CADPS2: variants seen among roughly 807,000 people sequenced by gnomAD.
CADPS2 encodes the protein calcium dependent secretion activator 2, also known as calcium-dependent secretion activator 2.
A neutral mutation model predicts 172.5 loss-of-function variants in CADPS2; 93 were observed. The observed-to-expected ratio is 0.54, with a 90% CI of 0.46 to 0.64. CADPS2 has a LOEUF of 0.64. Ranked by LOEUF, CADPS2 falls within the 30% of genes least tolerant of loss-of-function variation. The probability of loss-of-function intolerance (pLI) is 0.00; values close to 1 mark genes in which losing one functional copy is unlikely to be tolerated. For missense variants in CADPS2, 1,420 were observed against 1,565.9 expected (o/e 0.91, Z 1.57); for synonymous variants, 546 against 555.2 (o/e 0.98, Z 0.23).
chr7:122,746,642 G>GACACACAC (rs758081487), intron 1 of CADPS2, among the ~76,000 whole-genome samples: 1 of 142,436 alleles, frequency 7.0e-6, no homozygotes, highest in Non-Finnish European at 1.5e-5. Flanking sequence ...CACACACACA[G>GACACACAC]ACACACACAC....
chr7:122,800,336 T>C (rs545917966), intron 1 of CADPS2, among the ~76,000 whole-genome samples: 6 of 152,156 alleles, frequency 3.9e-5, no homozygotes, highest in African/African-American at 1.4e-4. Flanking sequence ...ACACGACAAC[T>C]TGCCAAAATA....
chr7:122,522,123 A>G, intron 8 of CADPS2, among the ~76,000 whole-genome samples: 1 of 151,728 alleles, frequency 6.6e-6, no homozygotes, highest in Non-Finnish European at 1.5e-5. Context: ...ATTTTATTTT[A>G]TTTATTTTTG....
At chr7:122,533,742 C>T (rs1483255929) in intron 8 of CADPS2, among the ~76,000 whole-genome samples, 3 of 152,078 alleles carry the variant, frequency 2.0e-5, no homozygotes, top group East Asian at 1.9e-4. Flanking sequence ...GATAATTAAA[C>T]GATTCTCAAT....
intron 29 of CADPS2, among the ~76,000 whole-genome samples, chr7:122,324,091 T>C (rs1399643320): frequency 6.6e-6 from 1 of 151,944 alleles, no homozygotes; most frequent in Non-Finnish European, 1.5e-5. Flanking sequence ...TAAGAAGTGT[T>C]CTGGATCAAA....
intron 6 of CADPS2, among the ~76,000 whole-genome samples, chr7:122,613,760 T>C (rs1187001545): frequency 6.6e-6 from 1 of 151,900 alleles, no homozygotes; most frequent in Non-Finnish European, 1.5e-5. Flanking sequence ...TACTAATATA[T>C]TACCCCCAAA....
At chr7:122,391,580 C>T (rs182304444) in intron 22 of CADPS2, among the ~76,000 whole-genome samples, 16 of 152,176 alleles carry the variant, frequency 1.1e-4, no homozygotes, top group Admixed American at 3.9e-4. Context: ...TTTCTGAGCA[C>T]ACACAGACAC....
intron 5 of CADPS2, among the ~76,000 whole-genome samples, chr7:122,618,474 C>T (rs1284569334): frequency 6.6e-6 from 1 of 151,566 alleles, no homozygotes; most frequent in Admixed American, 6.6e-5. Flanking sequence ...ACAGCAAAAA[C>T]TGAACTTGGT....
At chr7:122,553,905 T>C (rs2064659747) in intron 8 of CADPS2, among the ~76,000 whole-genome samples, 1 of 152,130 alleles carries the variant, frequency 6.6e-6, no homozygotes, top group African/African-American at 2.4e-5. Flanking sequence ...TCCTGGATTT[T>C]TGGCAATTCA....
intron 1 of CADPS2, among the ~76,000 whole-genome samples, chr7:122,793,396 T>G (rs961137087): frequency 7.9e-5 from 12 of 152,202 alleles, no homozygotes; most frequent in African/African-American, 2.9e-4. Context: ...CTTCTTTATC[T>G]TTTTAAATCT....
At chr7:122,540,746 ACTTT>A (rs1159743344) in intron 8 of CADPS2, among the ~76,000 whole-genome samples, 1 of 152,078 alleles carries the variant, frequency 6.6e-6, no homozygotes, top group Non-Finnish European at 1.5e-5. Flanking sequence ...CAGGATAAAC[ACTTT>A]CTTCTTTCTT....
intron 27 of CADPS2, among the ~76,000 whole-genome samples, chr7:122,351,357 A>G (rs1190892652): frequency 8.0e-6 from 1 of 124,374 alleles, no homozygotes; most frequent in Non-Finnish European, 1.6e-5. Context: ...TGGGTGACAG[A>G]GCGAGACTCC....
chr7:122,380,799 T>G (rs183531792), intron 24 of CADPS2, among the ~76,000 whole-genome samples: 1 of 152,216 alleles, frequency 6.6e-6, no homozygotes, highest in African/African-American at 2.4e-5. Flanking sequence ...TCTGTCTCAC[T>G]TAAAGCCTTT....
intron 2 of CADPS2, among the ~76,000 whole-genome samples, chr7:122,700,370 G>A (rs1006990008): frequency 2.0e-5 from 3 of 152,068 alleles, no homozygotes; most frequent in Non-Finnish European, 2.9e-5. Context: ...ACAAAAACTA[G>A]TATAAAAAGA....
chr7:122,364,060 C>T (rs12538303), intron 25 of CADPS2, among the ~76,000 whole-genome samples: 1 of 152,004 alleles, frequency 6.6e-6, no homozygotes, highest in East Asian at 1.9e-4. Flanking sequence ...CTTTACCCAT[C>T]ATGCTACAGA....
intron 20 of CADPS2, among the ~76,000 whole-genome samples, chr7:122,405,820 G>T (rs1563255592): frequency 6.6e-6 from 1 of 152,262 alleles, no homozygotes; most frequent in East Asian, 1.9e-4. Flanking sequence ...GAAATGAAAT[G>T]AAATTGGATA....
In CADPS2 at chr7:122,420,403, G is replaced by A. The variant is rs568174720; in HGVS notation, c.2477-4239C>T. Among the ~76,000 whole-genome samples the A allele has an allele frequency of 5.3e-5, 8 of 152,274 alleles. No individual in the cohort carries two copies. In the South Asian group the frequency reaches 1.5e-3, roughly 28 times the overall value. On this transcript the variant is annotated intron_variant, in intron 17 of 29. Transcript: ENST00000449022. Reference sequence around the variant, plus strand: ...TTATTCTTTCTAGATTAAATTTATTGAGGATCAAAACTTTGTACTTGAACA... The same window carrying A: ...TTATTCTTTCTAGATTAAATTTATTAAGGATCAAAACTTTGTACTTGAACA...
chr7:122,623,568 T>C (rs2075806676), intron 4 of CADPS2, among the ~76,000 whole-genome samples: 1 of 152,208 alleles, frequency 6.6e-6, no homozygotes, highest in African/African-American at 2.4e-5. Flanking sequence ...TAAAGTTTGG[T>C]GAATAATATA....
intron 8 of CADPS2, among the ~76,000 whole-genome samples, chr7:122,522,962 T>G (rs939473217): frequency 6.6e-5 from 10 of 152,206 alleles, no homozygotes; most frequent in Non-Finnish European, 1.3e-4. Context: ...ATTTTCTTGA[T>G]CCATTCATTT....
At chr7:122,353,448 GAC>G (rs2038952473) in intron 27 of CADPS2, among the ~76,000 whole-genome samples, 3 of 152,042 alleles carry the variant, frequency 2.0e-5, no homozygotes. Flanking sequence ...AATGAAGAGA[GAC>G]AGTTTCTTCT....
Sources: gnomAD v4.1 joint callset for allele counts (sites outside exome capture counted in the v4.1 genomes callset) on GRCh38, gnomAD v4.1.1 for gene constraint, MANE v1.5 for transcripts, NCBI Gene and HGNC (gene_info 2026-07-23, HGNC 2026-07-21) for gene names.